Variants in OR51L1 observed in about 807,000 individuals in gnomAD.
OR51L1 encodes olfactory receptor family 51 subfamily L member 1, also known as olfactory receptor 51L1.
In OR51L1, 1 loss-of-function variant was observed where a neutral mutation model predicts 1.4. The observed-to-expected ratio is 0.72, with a 90% confidence interval of 0.26 to 3.42. The LOEUF (loss-of-function observed/expected upper bound fraction) is 3.42. Among genes scored for constraint, OR51L1 ranks in the 30% most tolerant of loss-of-function variants. OR51L1 has a pLI of 0.20. For synonymous variants in OR51L1, 156 were observed against 144.2 expected, an observed-to-expected ratio of 1.08 and a Z score of -0.59; for missense variants, 378 against 380.0, an observed-to-expected ratio of 0.99 and a Z score of 0.04.
rs1334831401 is a variant in OR51L1, at chr11:5,003,842, A to G, written c.*3912A>G. 1.3e-5 allele frequency: 2 copies of G among 152,292 alleles called. No individual in the cohort carries two copies. Among genetic ancestry groups the G allele is most frequent in the African/African-American group, 4.8e-5 (2 of 41,566 alleles). 9.4% of individuals were successfully genotyped at this position (152,292 alleles called of 1,614,324 possible). A position where few individuals can be genotyped will look rare whatever the true frequency, so the allele number is the denominator to read the frequency against. On this transcript the variant is annotated 3_prime_UTR_variant, in exon 3 of 3. Coordinates refer to ENST00000641819, the MANE Select transcript of OR51L1 (RefSeq NM_001004755.2). ...CTTCTACAATCTATGTACTTTCTTA[A>G]TAGTATGTCTGATGACTAGAAATGT...
At position 5,000,092 on chromosome 11, in the gene OR51L1, A is replaced by AT. The variant is rs916821043; in HGVS notation, c.*169dup. 8.0e-6 allele frequency: 6 copies of AT among 746,566 alleles called. No homozygotes were observed. The highest frequency in any genetic ancestry group is 2.8e-5 in the East Asian group (1 of 36,354). 46.2% of individuals were successfully genotyped at this position (746,566 alleles called of 1,614,324 possible). ...ATCTTTAACCAATATGAAACTCAGG[A>AT]TTTTTTTGGACAAATTGTGACAACT... On this transcript the variant is annotated 3_prime_UTR_variant, in exon 3 of 3. Coordinates refer to ENST00000641819, the MANE Select transcript of OR51L1 (RefSeq NM_001004755.2).
At position 5,002,547 on chromosome 11, in the gene OR51L1, A is replaced by C. The variant is rs543190068; in HGVS notation, c.*2617A>C. 22 of 148,790 alleles carry C rather than the reference A, an allele frequency of 1.5e-4. No homozygotes were observed. The highest frequency in any genetic ancestry group is 1.1e-3 in the South Asian group (5 of 4,686). The allele number at this position is 148,790 out of a possible 1,614,324, so 9.2% of individuals were successfully genotyped here. A position where few individuals can be genotyped will look rare whatever the true frequency, so the allele number is the denominator to read the frequency against. On this transcript the variant is annotated 3_prime_UTR_variant, in exon 3 of 3. Transcript: ENST00000641819. Reference sequence around the variant, plus strand: ...CAGTAAGTCCAGTAGAAAGCCTTCAATTTTTTTTTTTTTACCTTTTCAGGA... The same window carrying C: ...CAGTAAGTCCAGTAGAAAGCCTTCACTTTTTTTTTTTTTACCTTTTCAGGA...
intron 2 of OR51L1, among the ~76,000 whole-genome samples, chr11:4,998,009 A>T (rs1847087387): frequency 6.6e-6 from 1 of 152,190 alleles, no homozygotes; most frequent in East Asian, 1.9e-4. Context: ...AATCAAAAAA[A>T]TCAATAGAAA....
At chr11:4,998,360 C>A (rs748794150) in intron 2 of OR51L1, among the ~76,000 whole-genome samples, 7 of 151,936 alleles carry the variant, frequency 4.6e-5, no homozygotes, top group Admixed American at 2.0e-4. Context: ...ATAAAGCATG[C>A]TGGGATTATG....
chr11:4,996,721 T>TTTCTTTCTTTCTTTC (rs1554896493), intron 1 of OR51L1, among the ~76,000 whole-genome samples: 402 of 106,332 alleles, frequency 3.8e-3, no homozygotes, highest in Middle Eastern at 4.4e-3. Flanking sequence ...CTTTCTTTTC[T>TTTCTTTCTTTCTTTC]TTTCTTTCTT....
rs544682463 is a variant in OR51L1, at chr11:4,999,987, A to C, written c.*57A>C. The stretch of plus-strand genomic sequence containing the variant: ...AATCTCATGGAAGCTGTTTTAGTAT[A>C]TGAAAAGTAAAATATCTGGGTGTTG... On this transcript the variant is annotated 3_prime_UTR_variant, in exon 3 of 3. Transcript: ENST00000641819. 2.7e-6 allele frequency: 4 copies of C among 1,501,192 alleles called. No homozygotes were observed. The African/African-American group carries it at 4.2e-5, about 16-fold the overall frequency. The allele number at this position is 1,501,192 out of a possible 1,614,324, so 93.0% of individuals were successfully genotyped here. A position where few individuals can be genotyped will look rare whatever the true frequency, so the allele number is the denominator to read the frequency against.
In OR51L1 at chr11:4,999,418, A is replaced by C; in HGVS notation, c.436A>C (p.Ile146Leu). 2 of 1,614,060 alleles carry C rather than the reference A, an allele frequency of 1.2e-6. No individual in the cohort carries two copies. The highest frequency in any genetic ancestry group is 1.7e-6 in the Non-Finnish European group (2 of 1,180,012). The change falls in exon 3 of 3, where the codon ATT becomes CTT. Residue 146 changes from isoleucine to leucine, a missense_variant. Physicochemically the swap from Ile to Leu is conservative, Grantham distance 5. Coordinates refer to ENST00000641819, the MANE Select transcript of OR51L1 (RefSeq NM_001004755.2). ...TILTNSVIGK[I>L]GLACLLRSLG... ...CCTCACCAACAGTGTAATTGGCAAA[A>C]TTGGTTTGGCCTGTTTGCTACGAAG...
Position 5,000,058 on chromosome 11 carries a change from T to G in OR51L1, c.*128T>G. ...ATTCTTTCACTTCTTATACATGTAA[T>G]TTCAGTTAATCTTTAACCAATATGA... On this transcript the variant is annotated 3_prime_UTR_variant, in exon 3 of 3. Transcript: ENST00000641819. 2 of 985,112 alleles carry G rather than the reference T, an allele frequency of 2.0e-6. No individual in the cohort carries two copies. The highest frequency in any genetic ancestry group is 2.9e-6 in the Non-Finnish European group (2 of 698,458). The allele number at this position is 985,112 out of a possible 1,614,324, so 61.0% of individuals were successfully genotyped here.
Position 5,001,933 on chromosome 11 carries a change from A to G in OR51L1, c.*2003A>G, listed in dbSNP as rs1847135459. The stretch of plus-strand genomic sequence containing the variant: ...AGTGAAGATACATAGATAAAAGGTT[A>G]GTAAAATTAAGTGTAATCAATGGTA... On this transcript the variant is annotated 3_prime_UTR_variant, in exon 3 of 3. Transcript: ENST00000641819. 2 of 152,232 alleles carry G rather than the reference A, an allele frequency of 1.3e-5. No homozygotes were observed. Among genetic ancestry groups the G allele is most frequent in the Non-Finnish European group, 2.9e-5 (2 of 68,036 alleles). The allele number at this position is 152,232 out of a possible 1,614,324, so 9.4% of individuals were successfully genotyped here. A position where few individuals can be genotyped will look rare whatever the true frequency, so the allele number is the denominator to read the frequency against.
chr11:4,998,715 T>C (rs112391601), intron 2 of OR51L1, 109 bp from the exon 3 acceptor site: 6 of 384,538 alleles, frequency 1.6e-5, no homozygotes, highest in Non-Finnish European at 2.8e-5. Flanking sequence ...CTTTAGTGTC[T>C]TTGATGCAAA....
Position 4,999,760 on chromosome 11 carries a change from G to T in OR51L1, c.778G>T (p.Val260Leu), listed in dbSNP as rs1338188149. 6.2e-7 allele frequency: 1 copy of T among 1,614,000 alleles called. No individual in the cohort carries two copies. The highest frequency in any genetic ancestry group is 1.1e-5 in the South Asian group (1 of 91,078). Residue 260 changes from valine (V) to leucine (L), a missense_variant, in exon 3 of 3, where the codon GTG becomes TTG. By Grantham distance (32) the Val-to-Leu change is conservative (BLOSUM62 1). Coordinates refer to ENST00000641819, the MANE Select transcript of OR51L1 (RefSeq NM_001004755.2). ...VLIFFVPVIG[V>L]SMVHRFGKHL... is the part of the protein sequence containing the mutation. Reference sequence around the variant, plus strand: ...TATCTTCTTTGTGCCAGTTATTGGGGTGTCAATGGTCCATCGCTTTGGGAA... The same window carrying T: ...TATCTTCTTTGTGCCAGTTATTGGGTTGTCAATGGTCCATCGCTTTGGGAA...
At position 5,005,423 on chromosome 11, in the gene OR51L1, C is replaced by T. The variant is rs901155448; in HGVS notation, c.*5493C>T. On this transcript the variant is annotated 3_prime_UTR_variant, in exon 3 of 3. Coordinates refer to ENST00000641819, the MANE Select transcript of OR51L1 (RefSeq NM_001004755.2). ...CAACCTACATGCCTCCCCCTTCCCC[C>T]TTTTAAGGAAATGGATAAATACACA... The T allele has an allele frequency of 6.6e-6, 1 of 152,106 alleles. No individual in the cohort carries two copies. The highest frequency in any genetic ancestry group is 1.5e-5 in the Non-Finnish European group (1 of 68,018). The allele number at this position is 152,106 out of a possible 1,614,324, so 9.4% of individuals were successfully genotyped here. A position where few individuals can be genotyped will look rare whatever the true frequency, so the allele number is the denominator to read the frequency against.
intron 1 of OR51L1, among the ~76,000 whole-genome samples, chr11:4,996,124 G>A (rs1847066280): frequency 6.6e-6 from 1 of 152,006 alleles, no homozygotes; most frequent in African/African-American, 2.4e-5. Flanking sequence ...TTGTAGAAAT[G>A]GGGACTCTTT....
In OR51L1 at chr11:5,000,920, C is replaced by A. The variant is rs1847124819; in HGVS notation, c.*990C>A. The A allele has an allele frequency of 6.6e-6, 1 of 152,184 alleles. No homozygotes were observed. Among genetic ancestry groups the A allele is most frequent in the Non-Finnish European group, 1.5e-5 (1 of 68,192 alleles). 9.4% of individuals were successfully genotyped at this position (152,184 alleles called of 1,614,324 possible). A position where few individuals can be genotyped will look rare whatever the true frequency, so the allele number is the denominator to read the frequency against. ...TGGTCTATGGAACTTCTTTTTCTTT[C>A]TTTTTCTTTTGAGACTGAGTCTTGC... On this transcript the variant is annotated 3_prime_UTR_variant, in exon 3 of 3. Transcript: ENST00000641819.
intron 1 of OR51L1, among the ~76,000 whole-genome samples, chr11:4,996,755 T>TTCTTTC (rs1229379613): frequency 6.6e-6 from 1 of 150,988 alleles, no homozygotes; most frequent in Non-Finnish European, 1.5e-5. Flanking sequence ...CTTTCTTTCT[T>TTCTTTC]TCTTTCTTTC....
In OR51L1 at chr11:5,000,217, T is replaced by C. The variant is rs1033093241; in HGVS notation, c.*287T>C. ...AACTATACAAAATTATTAATGTTAT[T>C]AAGTTGTCATTGTTGTTAATGATAA... On this transcript the variant is annotated 3_prime_UTR_variant, in exon 3 of 3. Coordinates refer to ENST00000641819, the MANE Select transcript of OR51L1 (RefSeq NM_001004755.2). 8 of 269,004 alleles carry C rather than the reference T, an allele frequency of 3.0e-5. No homozygotes were observed. Among genetic ancestry groups the C allele is most frequent in the Non-Finnish European group, 5.5e-5 (8 of 144,996 alleles). 16.7% of individuals were successfully genotyped at this position (269,004 alleles called of 1,614,324 possible). A position where few individuals can be genotyped will look rare whatever the true frequency, so the allele number is the denominator to read the frequency against.
chr11:5,004,902 T>C lies in OR51L1; in HGVS notation c.*4972T>C, dbSNP rs769626434. On this transcript the variant is annotated 3_prime_UTR_variant, in exon 3 of 3. Transcript: ENST00000641819. Reference sequence around the variant, plus strand: ...GTCAAGGCATATTTTTTGATATGAATACATAGTTCAGTCAGAACTATGTAA... The same window carrying C: ...GTCAAGGCATATTTTTTGATATGAACACATAGTTCAGTCAGAACTATGTAA... The C allele has an allele frequency of 6.6e-6, 1 of 152,182 alleles. No individual in the cohort carries two copies. The highest frequency in any genetic ancestry group is 1.5e-5 in the Non-Finnish European group (1 of 68,032). The allele number at this position is 152,182 out of a possible 1,614,324, so 9.4% of individuals were successfully genotyped here.
rs987569301 is a variant in OR51L1, at chr11:4,998,932, A to G, written c.-51A>G. On this transcript the variant is annotated 5_prime_UTR_variant, in exon 3 of 3. Coordinates refer to ENST00000641819, the MANE Select transcript of OR51L1 (RefSeq NM_001004755.2). ...AAAGAGATAACTTTGAGGGATCAGG[A>G]AGGAAAACACGAACCATTCCTCACT... 1.0e-5 allele frequency: 16 copies of G among 1,566,604 alleles called. No homozygotes were observed. Among genetic ancestry groups the G allele is most frequent in the Non-Finnish European group, 1.4e-5 (16 of 1,154,588 alleles).
At position 4,994,892 on chromosome 11, in the gene OR51L1, T is replaced by G. The variant is rs931695007; in HGVS notation, c.-705T>G. On this transcript the variant is annotated 5_prime_UTR_variant, in exon 1 of 3. Coordinates refer to ENST00000641819, the MANE Select transcript of OR51L1 (RefSeq NM_001004755.2). The stretch of plus-strand genomic sequence containing the variant: ...ACCTGAGGTTCATAGAGACTTAAAA[T>G]TGTAGCATCTTTAATCAGTACAGGT... 1.3e-5 allele frequency: 2 copies of G among 152,126 alleles called. No individual in the cohort carries two copies. The highest frequency in any genetic ancestry group is 4.8e-5 in the African/African-American group (2 of 41,442). 9.4% of individuals were successfully genotyped at this position (152,126 alleles called of 1,614,324 possible). A position where few individuals can be genotyped will look rare whatever the true frequency, so the allele number is the denominator to read the frequency against.
Sources: gnomAD v4.1 joint callset for allele counts (sites outside exome capture counted in the v4.1 genomes callset) on GRCh38, gnomAD v4.1.1 for gene constraint, MANE v1.5 for transcripts, NCBI Gene and HGNC (gene_info 2026-07-23, HGNC 2026-07-21) for gene names.